Variants in ADCY2 observed in about 807,000 individuals in gnomAD.
The protein encoded by ADCY2 is adenylate cyclase type 2.
Under a neutral mutation model 125.2 loss-of-function variants are expected in ADCY2, and 31 were observed. The observed-to-expected ratio is 0.25, with a 90% CI of 0.19 to 0.33. The LOEUF (loss-of-function observed/expected upper bound fraction) is 0.33, where lower values mean the gene tolerates loss of function less well. Among genes scored for constraint, ADCY2 ranks in the 10% least tolerant of loss-of-function variants. The probability of loss-of-function intolerance (pLI) is 1.00; values close to 1 mark genes in which losing one functional copy is unlikely to be tolerated. For synonymous variants in ADCY2, 512 were observed against 548.4 expected (o/e 0.93, Z 0.93); for missense variants, 904 against 1,418.2 (o/e 0.64, Z 5.82).
chr5:7,418,713 T>A (rs546997474), intron 2 of ADCY2, among the ~76,000 whole-genome samples: 1 of 136,612 alleles, frequency 7.3e-6, no homozygotes, highest in African/African-American at 2.8e-5. Flanking sequence ...TGGAGTGCAG[T>A]CGTGCGATCT....
intron 3 of ADCY2, among the ~76,000 whole-genome samples, chr5:7,550,485 A>T (rs961241579): frequency 5.3e-5 from 8 of 152,212 alleles, no homozygotes; most frequent in African/African-American, 1.9e-4. Flanking sequence ...CATATGAAGA[A>T]GTACTTTGGA....
At chr5:7,730,836 G>T (rs1742077903) in intron 14 of ADCY2, among the ~76,000 whole-genome samples, 1 of 20,652 alleles carries the variant, frequency 4.8e-5, no homozygotes, top group African/African-American at 5.7e-5. Context: ...GGGGTCGGGG[G>T]GCGGTATTTT....
chr5:7,539,502 C>T (rs1734927682), intron 3 of ADCY2, among the ~76,000 whole-genome samples: 1 of 152,166 alleles, frequency 6.6e-6, no homozygotes, highest in Non-Finnish European at 1.5e-5. Flanking sequence ...TAGCCATAGT[C>T]AAGTCATGCA....
intron 2 of ADCY2, among the ~76,000 whole-genome samples, chr5:7,498,121 T>C (rs1001845425): frequency 1.3e-5 from 2 of 151,974 alleles, no homozygotes; most frequent in South Asian, 2.1e-4. Context: ...TAGAGACAAG[T>C]GTGGGAGAAC....
intron 3 of ADCY2, among the ~76,000 whole-genome samples, chr5:7,532,768 G>A (rs979075583): frequency 1.3e-5 from 2 of 151,796 alleles, no homozygotes; most frequent in Non-Finnish European, 2.9e-5. Flanking sequence ...GACAATTCTT[G>A]GATTTTCAGA....
intron 3 of ADCY2, among the ~76,000 whole-genome samples, chr5:7,570,075 A>G (rs78324376): frequency 0.081 from 12,352 of 152,210 alleles, 717 homozygotes; most frequent in Non-Finnish European, 0.12. Context: ...CACAATCACT[A>G]TAAGTGTAAC....
chr5:7,690,790 A>G lies in ADCY2; in HGVS notation c.820A>G (p.Asn274Asp). ...GGGCCCCAAGGCGGGCCAGATGGAG[A>G]ACACAAATAACTTCCACAACCTGTA... ...LQGPKAGQME[N>D]TNNFHNLYVK... Residue 274 changes from asparagine (N) to aspartate (D), a missense_variant, in exon 5 of 25, where the codon AAC becomes GAC. Physicochemically the swap from Asn to Asp is conservative, Grantham distance 23. Around this residue, in one of 7 missense-constraint regions of ADCY2, gnomAD observed 117 missense variants for 248.0 expected, o/e 0.47. Coordinates refer to ENST00000338316, the MANE Select transcript of ADCY2 (RefSeq NM_020546.3). 1 of 1,608,932 alleles carries G rather than the reference A, an allele frequency of 6.2e-7. No homozygotes were observed. Among genetic ancestry groups the G allele is most frequent in the Non-Finnish European group, 8.5e-7 (1 of 1,178,080 alleles).
rs1263734998 is a variant in ADCY2, at chr5:7,827,367, G to A, written c.*496G>A. ...TCCAAGGGCCCCCGTTGGGACCCAC[G>A]GCTCTCGTCCCTCTGCTCCGTGTGT... On this transcript the variant is annotated 3_prime_UTR_variant, in exon 25 of 25. Transcript: ENST00000338316. 1 of 154,408 alleles carries A rather than the reference G, an allele frequency of 6.5e-6. No homozygotes were observed. Among genetic ancestry groups the A allele is most frequent in the Non-Finnish European group, 1.4e-5 (1 of 69,224 alleles). The allele number at this position is 154,408 out of a possible 1,614,324, so 9.6% of individuals were successfully genotyped here.
chr5:7,439,919 G>T (rs1311534175), intron 2 of ADCY2, among the ~76,000 whole-genome samples: 1 of 152,056 alleles, frequency 6.6e-6, no homozygotes, highest in African/African-American at 2.4e-5. Context: ...GAATTCCGGG[G>T]GTGAGAGGAG....
chr5:7,820,972 C>A (rs1266762943), intron 24 of ADCY2, among the ~76,000 whole-genome samples: 1 of 152,170 alleles, frequency 6.6e-6, no homozygotes, highest in Non-Finnish European at 1.5e-5. Flanking sequence ...GCATTCAGTA[C>A]AGGAGAACCT....
intron 2 of ADCY2, among the ~76,000 whole-genome samples, chr5:7,450,093 T>C (rs1401448335): frequency 6.6e-6 from 1 of 152,142 alleles, no homozygotes; most frequent in East Asian, 1.9e-4. Context: ...AACCCTACAG[T>C]AGCCTCTAAG....
intron 3 of ADCY2, among the ~76,000 whole-genome samples, chr5:7,616,731 T>C (rs1290718935): frequency 2.6e-5 from 4 of 152,216 alleles, no homozygotes; most frequent in Non-Finnish European, 5.9e-5. Context: ...CTTAATGTCA[T>C]ATTGTGATGG....
intron 3 of ADCY2, among the ~76,000 whole-genome samples, chr5:7,589,271 A>G (rs905815270): frequency 5.9e-5 from 9 of 151,904 alleles, no homozygotes; most frequent in African/African-American, 2.2e-4. Flanking sequence ...ACAGATGAAA[A>G]ACATACACTG....
chr5:7,797,164 A>G (rs1204061188), intron 20 of ADCY2: 2 of 152,266 alleles, frequency 1.3e-5, no homozygotes, highest in Admixed American at 6.5e-5. Flanking sequence ...TGGGGTTTCA[A>G]TAGACGCTTC....
At chr5:7,531,767 AAGATGATCTC>A (rs1561077675) in intron 3 of ADCY2, among the ~76,000 whole-genome samples, 2 of 152,350 alleles carry the variant, frequency 1.3e-5, no homozygotes, top group East Asian at 1.9e-4. Context: ...CTCTAAATCC[AAGATGATCTC>A]ATTGCAGCAT....
intron 10 of ADCY2, among the ~76,000 whole-genome samples, chr5:7,710,794 CCCCGG>C (rs1416459683): frequency 6.6e-6 from 1 of 152,104 alleles, no homozygotes; most frequent in Non-Finnish European, 1.5e-5. Context: ...CTGCAGGGGT[CCCCGG>C]TGAGAATGAT....
intron 2 of ADCY2, among the ~76,000 whole-genome samples, chr5:7,465,050 A>C (rs772317334): frequency 1.3e-5 from 2 of 152,050 alleles, no homozygotes; most frequent in South Asian, 2.1e-4. Context: ...AAACCATTAG[A>C]TCTCATGAGA....
chr5:7,427,826 T>C (rs1377109923), intron 2 of ADCY2, among the ~76,000 whole-genome samples: 1 of 152,204 alleles, frequency 6.6e-6, no homozygotes, highest in Non-Finnish European at 1.5e-5. Flanking sequence ...GAGAATCTTA[T>C]TTCTACTTTT....
In ADCY2 at chr5:7,828,350, C is replaced by T. The variant is rs1300817954; in HGVS notation, c.*1479C>T. The T allele has an allele frequency of 6.6e-6, 1 of 152,420 alleles. No homozygotes were observed. The highest frequency in any genetic ancestry group is 1.9e-4 in the East Asian group (1 of 5,196). The allele number at this position is 152,420 out of a possible 1,614,324, so 9.4% of individuals were successfully genotyped here. A position where few individuals can be genotyped will look rare whatever the true frequency, so the allele number is the denominator to read the frequency against. ...TTTGAATCCTGGCTCTGATTTTTTA[C>T]TGGCTGTGTGACTTTGAACACATCT... is the stretch of plus-strand genomic sequence containing the variant. On this transcript the variant is annotated 3_prime_UTR_variant, in exon 25 of 25. Coordinates refer to ENST00000338316, the MANE Select transcript of ADCY2 (RefSeq NM_020546.3).
Sources: allele counts gnomAD v4.1 joint callset (sites outside exome capture counted in the v4.1 genomes callset), GRCh38; gene constraint gnomAD v4.1.1; regional missense constraint gnomAD v4.1.1; transcripts MANE v1.5; gene names NCBI Gene and HGNC (gene_info 2026-07-23, HGNC 2026-07-21).